Variants in REC114 observed in about 807,000 individuals in gnomAD.
The protein encoded by REC114 is meiotic recombination protein REC114.
Under a neutral mutation model 31.3 loss-of-function variants are expected in REC114, and 27 were observed. The ratio of observed to expected loss-of-function variants is 0.86; its 90% CI spans 0.64 to 1.19. The LOEUF (loss-of-function observed/expected upper bound fraction) is 1.19, where lower values mean the gene tolerates loss of function less well. Ranked by LOEUF, REC114 falls within the 50% of genes most tolerant of loss-of-function variation. The probability of loss-of-function intolerance (pLI) is 0.00; values close to 1 mark genes in which losing one functional copy is unlikely to be tolerated. For missense variants in REC114, 344 were observed against 326.9 expected, an observed-to-expected ratio of 1.05 and a Z score of -0.40; for synonymous variants, 134 against 127.7, an observed-to-expected ratio of 1.05 and a Z score of -0.33.
At chr15:73,508,423 CTT>C (rs200021553) in intron 2 of REC114, among the ~76,000 whole-genome samples, 6 of 122,160 alleles carry the variant, frequency 4.9e-5, no homozygotes, top group East Asian at 2.5e-4. Flanking sequence ...AGCACAGTTT[CTT>C]TTTTTTTTTT....
chr15:73,539,471 T>TC, intron 2 of REC114, among the ~76,000 whole-genome samples: 1 of 147,084 alleles, frequency 6.8e-6, no homozygotes, highest in East Asian at 2.0e-4. Flanking sequence ...TTTTTTTTTT[T>TC]TTTTTTTTTT....
intron 1 of REC114, among the ~76,000 whole-genome samples, chr15:73,449,389 AG>A (rs1567845036): frequency 6.6e-6 from 1 of 152,140 alleles, no homozygotes; most frequent in African/African-American, 2.4e-5. Flanking sequence ...AGCAGAAGAA[AG>A]GATGTCAGAG....
intron 2 of REC114, among the ~76,000 whole-genome samples, chr15:73,511,139 C>A (rs895408885): frequency 3.3e-5 from 5 of 152,012 alleles, no homozygotes; most frequent in Non-Finnish European, 7.3e-5. Context: ...TTGGTCTATT[C>A]AGAGATTCAA....
chr15:73,485,819 G>C (rs2141299594), intron 2 of REC114, among the ~76,000 whole-genome samples: 1 of 152,252 alleles, frequency 6.6e-6, no homozygotes, highest in Non-Finnish European at 1.5e-5. Flanking sequence ...GCCTACTACA[G>C]CCACTTTTTC....
chr15:73,554,560 G>A (rs1021397566), intron 4 of REC114, among the ~76,000 whole-genome samples: 1 of 152,188 alleles, frequency 6.6e-6, no homozygotes, highest in Non-Finnish European at 1.5e-5. Flanking sequence ...GGCTTAACCA[G>A]GCATTTCTCA....
At chr15:73,536,196 A>G (rs183393314) in intron 2 of REC114, among the ~76,000 whole-genome samples, 7 of 152,300 alleles carry the variant, frequency 4.6e-5, no homozygotes, top group African/African-American at 1.4e-4. Flanking sequence ...TAAACTAAAG[A>G]GTTCTCCACT....
intron 2 of REC114, 60 bp from the exon 3 acceptor site, chr15:73,540,425 G>A: frequency 8.7e-7 from 1 of 1,152,682 alleles, no homozygotes; most frequent in Non-Finnish European, 1.3e-6. Context: ...AGTAGCTGCA[G>A]CCATAGCTAT....
Position 73,559,868 on chromosome 15 carries a change from G to GGAA in REC114, c.756_758dup (p.Glu253dup). ...TGGATCAGAATTTCCCAGCATTTGTGGAAGAGGTAGAAAAGGAACTGAAAA... is the reference window on the plus strand; with the variant it reads ...TGGATCAGAATTTCCCAGCATTTGTGGAAGAAGAGGTAGAAAAGGAACTGAAAA... On this transcript the variant is annotated inframe_insertion, in exon 6 of 6. Transcript: ENST00000331090. 6.2e-7 allele frequency: 1 copy of GGAA among 1,612,532 alleles called. No individual in the cohort carries two copies. The highest frequency in any genetic ancestry group is 1.1e-5 in the South Asian group (1 of 90,884).
At chr15:73,515,735 C>T (rs1000750740) in intron 2 of REC114, among the ~76,000 whole-genome samples, 5 of 152,122 alleles carry the variant, frequency 3.3e-5, no homozygotes, top group Non-Finnish European at 7.4e-5. Context: ...GGAAGCAAGC[C>T]GTCACCAGAC....
chr15:73,462,884 C>CAAAAAAAAAAAAAAA lies in REC114; in HGVS notation c.160-10939_160-10925dup, dbSNP rs769569268. 8.1e-3 allele frequency among the ~76,000 whole-genome samples: 451 copies of CAAAAAAAAAAAAAAA among 55,602 alleles called. 36 individuals carry two copies. Among genetic ancestry groups the CAAAAAAAAAAAAAAA allele is most frequent in the African/African-American group, 0.028 (401 of 14,148 alleles). 36.5% of individuals were successfully genotyped at this position (55,602 alleles called of 152,430 possible). ...TGGGCAACAGAGTGAGACTCCGTCTCAAAAAAAAAAAAAAAAAAAAAAATT... is the reference window on the plus strand; with the variant it reads ...TGGGCAACAGAGTGAGACTCCGTCTCAAAAAAAAAAAAAAAAAAAAAAAAAAAAAAAAAAAAAATT... On this transcript the variant is annotated intron_variant, in intron 1 of 5. Transcript: ENST00000331090.
chr15:73,547,375 A>G (rs892771894), intron 3 of REC114, among the ~76,000 whole-genome samples: 5 of 152,220 alleles, frequency 3.3e-5, no homozygotes, highest in African/African-American at 1.2e-4. Flanking sequence ...AATGGCTTTT[A>G]TCCAAAAGCC....
At chr15:73,468,518 G>C (rs1013214201) in intron 1 of REC114, among the ~76,000 whole-genome samples, 2 of 152,080 alleles carry the variant, frequency 1.3e-5, no homozygotes, top group Non-Finnish European at 2.9e-5. Context: ...AATAAAGACA[G>C]TTTTACTTCT....
chr15:73,451,368 C>G (rs780973052), intron 1 of REC114, among the ~76,000 whole-genome samples: 2 of 152,166 alleles, frequency 1.3e-5, no homozygotes, highest in Non-Finnish European at 2.9e-5. Context: ...CACAAATAAA[C>G]TAGAAAATCT....
intron 2 of REC114, among the ~76,000 whole-genome samples, chr15:73,478,213 G>A (rs1245278515): frequency 4.5e-5 from 6 of 132,816 alleles, no homozygotes; most frequent in East Asian, 2.2e-4. Flanking sequence ...GCAGTGACCC[G>A]ACACGGTGCC....
chr15:73,481,158 T>C (rs946436207), intron 2 of REC114, among the ~76,000 whole-genome samples: 1 of 152,192 alleles, frequency 6.6e-6, no homozygotes, highest in Non-Finnish European at 1.5e-5. Flanking sequence ...AACAGCTTCA[T>C]GTGTGTGATA....
At chr15:73,549,116 C>G (rs927843517) in intron 3 of REC114, among the ~76,000 whole-genome samples, 2 of 152,060 alleles carry the variant, frequency 1.3e-5, no homozygotes, top group Admixed American at 1.3e-4. Flanking sequence ...AACAAACTCC[C>G]ATGACACAAG....
intron 2 of REC114, among the ~76,000 whole-genome samples, chr15:73,525,372 A>G (rs1379304741): frequency 6.6e-6 from 1 of 151,850 alleles, no homozygotes; most frequent in African/African-American, 2.4e-5. Context: ...CCTAAGCTCT[A>G]TATTTATTTC....
intron 2 of REC114, among the ~76,000 whole-genome samples, chr15:73,487,217 C>T (rs79653210): frequency 0.032 from 4,823 of 152,260 alleles, 115 homozygotes; most frequent in Non-Finnish European, 0.051. Context: ...TCCCAAAATT[C>T]TTGTTCTCAC....
chr15:73,528,936 A>G (rs1894040352), intron 2 of REC114, among the ~76,000 whole-genome samples: 1 of 152,220 alleles, frequency 6.6e-6, no homozygotes. Context: ...AAGAGACATG[A>G]CAAGTATCAC....
Sources: allele counts gnomAD v4.1 joint callset (sites outside exome capture counted in the v4.1 genomes callset), GRCh38; gene constraint gnomAD v4.1.1; transcripts MANE v1.5; gene names NCBI Gene and HGNC (gene_info 2026-07-23, HGNC 2026-07-21).